CEP57: variants seen among roughly 807,000 people sequenced by gnomAD.
CEP57 encodes centrosomal protein 57.
CEP57 carries 40 observed loss-of-function variants against 68.0 expected under a neutral mutation model. The ratio of observed to expected loss-of-function variants is 0.59; its 90% CI spans 0.46 to 0.77. The LOEUF (loss-of-function observed/expected upper bound fraction) is 0.77. Ranked by LOEUF, CEP57 falls within the 30% of genes least tolerant of loss-of-function variation. The pLI is 0.00. For missense variants in CEP57, 606 were observed against 580.7 expected, an observed-to-expected ratio of 1.04 and a Z score of -0.45; for synonymous variants, 219 against 198.7, an observed-to-expected ratio of 1.10 and a Z score of -0.86.
chr11:95,800,080 ATC>A (rs1861509376), intron 2 of CEP57, among the ~76,000 whole-genome samples: 1 of 152,182 alleles, frequency 6.6e-6, no homozygotes, highest in Non-Finnish European at 1.5e-5. Context: ...AATATTTGTT[ATC>A]TCAGTTTTCT....
In CEP57 at chr11:95,831,477, CACATAA is replaced by C. The variant is rs1863004980; in HGVS notation, c.*222_*227del. On this transcript the variant is annotated 3_prime_UTR_variant, in exon 11 of 11. Coordinates refer to ENST00000325542, the MANE Select transcript of CEP57 (RefSeq NM_014679.5). ...GGGAGTTTTAAAGCCCGAGAAACCA[CACATAA>C]TCTTTTGTTGAGATGAGTTTGCTGT... 2 of 442,640 alleles carry C rather than the reference CACATAA, an allele frequency of 4.5e-6. No individual in the cohort carries two copies. Among genetic ancestry groups the C allele is most frequent in the East Asian group, 7.7e-5 (2 of 25,918 alleles). 27.4% of individuals were successfully genotyped at this position (442,640 alleles called of 1,614,324 possible). A position where few individuals can be genotyped will look rare whatever the true frequency, so the allele number is the denominator to read the frequency against.
chr11:95,822,665 G>A, intron 8 of CEP57, 89 bp downstream of exon 8: 1 of 743,752 alleles, frequency 1.3e-6, no homozygotes, highest in Non-Finnish European at 2.2e-6. Context: ...CAAATGGAAG[G>A]AACATTTTTC....
chr11:95,811,589 A>T (rs962426239), intron 2 of CEP57, among the ~76,000 whole-genome samples: 3 of 152,078 alleles, frequency 2.0e-5, no homozygotes, highest in South Asian at 4.1e-4. Context: ...TTAAAAAAAA[A>T]AAAAACGTGA....
At chr11:95,817,741 T>C in intron 4 of CEP57, 46 bp from the exon 5 acceptor site, 1 of 1,326,220 alleles carries the variant, frequency 7.5e-7, no homozygotes, top group Non-Finnish European at 1.1e-6. Flanking sequence ...GTTTTTCTCT[T>C]TTTTGATTGT....
intron 9 of CEP57, 108 bp from the exon 10 acceptor site, chr11:95,829,079 T>A: frequency 8.5e-7 from 1 of 1,176,636 alleles, no homozygotes; most frequent in African/African-American, 1.5e-5. Context: ...GTTCAAAAAA[T>A]GGAGTCATTT....
At chr11:95,810,748 A>G (rs566761367) in intron 2 of CEP57, among the ~76,000 whole-genome samples, 1 of 152,362 alleles carries the variant, frequency 6.6e-6, no homozygotes, top group African/African-American at 2.4e-5. Flanking sequence ...GGAAGAATCA[A>G]TATCGTGGAA....
At position 95,791,549 on chromosome 11, in the gene CEP57, A is replaced by G. The variant is rs11021321; in HGVS notation, c.45+806A>G. 2.1e-3 allele frequency among the ~76,000 whole-genome samples: 313 copies of G among 152,338 alleles called. 10 individuals carry two copies. The East Asian group carries it at 0.048, about 24-fold the overall frequency. On this transcript the variant is annotated intron_variant, in intron 1 of 10. Transcript: ENST00000325542. ...ATGCCTGGTATACTGTTAGGGTCCA[A>G]ATGAACAGAATAGAAACCCTGCTTT...
At chr11:95,827,225 A>C (rs1862780858) in intron 8 of CEP57, 1 of 153,432 alleles carries the variant, frequency 6.5e-6, no homozygotes, top group South Asian at 2.0e-4. Flanking sequence ...CATGTAATTT[A>C]GTGCTTCCTA....
At chr11:95,810,312 A>C (rs1039365814) in intron 2 of CEP57, among the ~76,000 whole-genome samples, 1 of 152,212 alleles carries the variant, frequency 6.6e-6, no homozygotes, top group Non-Finnish European at 1.5e-5. Context: ...GCCGTCTCTC[A>C]CCATTCCTAT....
At chr11:95,791,068 C>T (rs369754151) in intron 1 of CEP57, among the ~76,000 whole-genome samples, 11 of 152,188 alleles carry the variant, frequency 7.2e-5, no homozygotes, top group Non-Finnish European at 1.5e-4. Flanking sequence ...AAATGTAGCT[C>T]TTTTGGTCAC....
chr11:95,827,535 G>T, intron 8 of CEP57: 1 of 464,774 alleles, frequency 2.2e-6, no homozygotes, highest in Non-Finnish European at 3.9e-6. Context: ...AGGATGATAG[G>T]ACATGAGGCT....
chr11:95,824,258 T>A (rs533863505), intron 8 of CEP57, among the ~76,000 whole-genome samples: 2,581 of 149,212 alleles, frequency 0.017, 33 homozygotes, highest in South Asian at 0.065. Flanking sequence ...AAATTTTTTT[T>A]AAAAAAAAAA....
intron 1 of CEP57, among the ~76,000 whole-genome samples, chr11:95,796,845 C>T (rs1435820082): frequency 6.6e-6 from 1 of 152,142 alleles, no homozygotes; most frequent in Admixed American, 6.5e-5. Flanking sequence ...GCTCACAGTA[C>T]TCAGGAAAGA....
intron 2 of CEP57, among the ~76,000 whole-genome samples, chr11:95,807,507 CGT>C (rs1861857949): frequency 2.0e-5 from 3 of 152,030 alleles, no homozygotes; most frequent in African/African-American, 7.2e-5. Context: ...GAATAAACAG[CGT>C]AGAGAAGACC....
chr11:95,817,934 T>TG, intron 5 of CEP57, 31 bp downstream of exon 5: 1 of 1,335,858 alleles, frequency 7.5e-7, no homozygotes, highest in Non-Finnish European at 1.1e-6. Context: ...ATTGTTAACA[T>TG]ATATCAGGGT....
At position 95,806,963 on chromosome 11, in the gene CEP57, C is replaced by T. The variant is rs1034873119; in HGVS notation, c.203-5969C>T. Reference sequence around the variant, plus strand: ...CCCCAAGTAGCCTAACTGGGAGATACCTCCCAGTAGGGGCCGACTGACACC... The same window carrying T: ...CCCCAAGTAGCCTAACTGGGAGATATCTCCCAGTAGGGGCCGACTGACACC... On this transcript the variant is annotated intron_variant, in intron 2 of 10. Coordinates refer to ENST00000325542, the MANE Select transcript of CEP57 (RefSeq NM_014679.5). Among the ~76,000 whole-genome samples, 8 of 152,330 alleles carry T rather than the reference C, an allele frequency of 5.3e-5. 1 individual carries two copies. The South Asian group carries it at 1.0e-3, about 20-fold the overall frequency.
chr11:95,807,382 G>T (rs1237799906), intron 2 of CEP57, among the ~76,000 whole-genome samples: 1 of 152,204 alleles, frequency 6.6e-6, no homozygotes, highest in Non-Finnish European at 1.5e-5. Flanking sequence ...CGAGTTGAGA[G>T]AAGAAGGCTT....
At chr11:95,798,161 C>G (rs1342770371) in intron 1 of CEP57, among the ~76,000 whole-genome samples, 1 of 152,158 alleles carries the variant, frequency 6.6e-6, no homozygotes, top group Non-Finnish European at 1.5e-5. Flanking sequence ...GCCCTACCCT[C>G]CTAAGCTCTT....
intron 1 of CEP57, chr11:95,794,364 G>T (rs747963175): frequency 2.0e-5 from 9 of 455,464 alleles, no homozygotes; most frequent in Non-Finnish European, 3.1e-5. Context: ...CACAGAGTAT[G>T]TGCGTCTTCA....
Sources: gnomAD v4.1 joint callset for allele counts (sites outside exome capture counted in the v4.1 genomes callset) on GRCh38, gnomAD v4.1.1 for gene constraint, MANE v1.5 for transcripts, NCBI Gene and HGNC (gene_info 2026-07-23, HGNC 2026-07-21) for gene names.